MSH3: variants seen among roughly 807,000 people sequenced by gnomAD.
MSH3 encodes the protein mutS homolog 3.
In MSH3, 106 loss-of-function variants were observed where a neutral mutation model predicts 123.3. That is an observed-to-expected ratio of 0.86 (90% CI 0.73 to 1.01). The LOEUF (loss-of-function observed/expected upper bound fraction) is 1.01. Among genes scored for constraint, MSH3 ranks in the 50% least tolerant of loss-of-function variants. MSH3 has a pLI of 0.00. For synonymous variants in MSH3, 515 were observed against 481.4 expected (o/e 1.07, Z -0.91); for missense variants, 1,459 against 1,347.6 (o/e 1.08, Z -1.29).
rs1223470400 is a variant in MSH3 at position 80,654,929 on chromosome 5, G to A, written c.202G>A (p.Ala68Thr). The change falls in exon 1 of 24, where the codon GCT becomes ACT. Residue 68 changes from alanine (A) to threonine (T), a missense_variant. Physicochemically the swap from Ala to Thr is moderately conservative, Grantham distance 58. Coordinates refer to ENST00000265081, the MANE Select transcript of MSH3 (RefSeq NM_002439.5). ...AAAAAPPAPP[A>T]PAFPPQLPPH... ...GGCCGCAGCGCCCCCAGCGCCCCCA[G>A]CTCCCGCCTTCCCGCCCCAGCTGCC... is the stretch of plus-strand genomic sequence containing the variant. 9 of 811,964 alleles carry A rather than the reference G, an allele frequency of 1.1e-5. No homozygotes were observed. The highest frequency in any genetic ancestry group is 1.3e-5 in the Non-Finnish European group (8 of 600,686). The allele number at this position is 811,964 out of a possible 1,614,324, so 50.3% of individuals were successfully genotyped here. A position where few individuals can be genotyped will look rare whatever the true frequency, so the allele number is the denominator to read the frequency against.
Position 80,876,455 on chromosome 5 carries a change from C to T in MSH3, c.*593C>T, listed in dbSNP as rs917273335. Reference sequence around the variant, plus strand: ...CCATCTTTACTAAAAATATAAAGTACATCTCTACTAAAAATACGAAAAAAT... The same window carrying T: ...CCATCTTTACTAAAAATATAAAGTATATCTCTACTAAAAATACGAAAAAAT... On this transcript the variant is annotated 3_prime_UTR_variant, in exon 24 of 24. Transcript: ENST00000265081. 22 of 159,002 alleles carry T rather than the reference C, an allele frequency of 1.4e-4. No individual in the cohort carries two copies. Among genetic ancestry groups the T allele is most frequent in the Non-Finnish European group, 2.6e-4 (19 of 72,268 alleles). 9.8% of individuals were successfully genotyped at this position (159,002 alleles called of 1,614,324 possible).
At chr5:80,664,884 AAAAAAC>A (rs1350833041) in intron 2 of MSH3, among the ~76,000 whole-genome samples, 6 of 152,234 alleles carry the variant, frequency 3.9e-5, no homozygotes, top group East Asian at 1.9e-4. Flanking sequence ...TGTCTTCAAA[AAAAAAC>A]AAAAACAAAA....
At chr5:80,796,041 A>T (rs2048605157) in intron 19 of MSH3, among the ~76,000 whole-genome samples, 1 of 151,924 alleles carries the variant, frequency 6.6e-6, no homozygotes, top group African/African-American at 2.4e-5. Flanking sequence ...TTCTCATAAT[A>T]CCAGTAGGAT....
chr5:80,756,642 T>G (rs933828531), intron 12 of MSH3, among the ~76,000 whole-genome samples: 2 of 152,186 alleles, frequency 1.3e-5, no homozygotes, highest in African/African-American at 4.8e-5. Flanking sequence ...CATAACCCAG[T>G]TATAATCTTA....
At chr5:80,834,638 AAAAT>A (rs2067233) in intron 20 of MSH3, among the ~76,000 whole-genome samples, 103,277 of 147,056 alleles carry the variant, frequency 0.7, 36,273 homozygotes, top group South Asian at 0.8. Flanking sequence ...ATACTTAATA[AAAAT>A]AAATACTTAA....
intron 4 of MSH3, among the ~76,000 whole-genome samples, chr5:80,671,676 A>G (rs1449690162): frequency 1.3e-5 from 2 of 152,204 alleles, no homozygotes; most frequent in East Asian, 3.8e-4. Flanking sequence ...TTAGAGTTCC[A>G]TGGCTTCAGT....
At chr5:80,734,021 C>T (rs762891813) in intron 10 of MSH3, among the ~76,000 whole-genome samples, 2 of 152,114 alleles carry the variant, frequency 1.3e-5, no homozygotes, top group African/African-American at 4.8e-5. Context: ...GAGCATTAGT[C>T]ACAATAGCCA....
intron 16 of MSH3, among the ~76,000 whole-genome samples, chr5:80,776,270 A>G (rs982243922): frequency 2.6e-5 from 4 of 152,218 alleles, no homozygotes; most frequent in Admixed American, 6.5e-5. Context: ...TCAAAAAGGT[A>G]TCTTATTTTT....
chr5:80,760,710 T>C (rs138575837), intron 12 of MSH3, among the ~76,000 whole-genome samples: 6 of 152,358 alleles, frequency 3.9e-5, no homozygotes, highest in African/African-American at 1.2e-4. Context: ...GTTCAATTGG[T>C]AACAGATCCG....
At chr5:80,715,144 G>A (rs1750935520) in intron 8 of MSH3, 1 of 152,148 alleles carries the variant, frequency 6.6e-6, no homozygotes, top group African/African-American at 2.4e-5. Context: ...TTTTTAAAAT[G>A]GGAATAATGC....
At chr5:80,808,447 C>G (rs1744936791) in intron 19 of MSH3, among the ~76,000 whole-genome samples, 1 of 152,142 alleles carries the variant, frequency 6.6e-6, no homozygotes, top group African/African-American at 2.4e-5. Context: ...ATTTTGGTAG[C>G]TAGCCTTGAC....
At chr5:80,691,402 C>T (rs1008563818) in intron 8 of MSH3, among the ~76,000 whole-genome samples, 37 of 151,442 alleles carry the variant, frequency 2.4e-4, no homozygotes, top group Admixed American at 5.9e-4. Flanking sequence ...AAGGTCTTAA[C>T]GAAAATTTGG....
At position 80,787,812 on chromosome 5, in the gene MSH3, G is replaced by A. The variant is rs33010; in HGVS notation, c.2543+140G>A. The A allele has an allele frequency of 0.85, 561,132 of 660,196 alleles. 239,146 individuals are homozygous for A. Among genetic ancestry groups the A allele is most frequent in the East Asian group, 1 (34,680 of 34,700 alleles). The allele number at this position is 660,196 out of a possible 1,614,324, so 40.9% of individuals were successfully genotyped here. The stretch of plus-strand genomic sequence containing the variant: ...TGGGAAAGCTGAATGTCATACATAT[G>A]TAGCTTGATTTGAAAATTAAATTCA... On this transcript the variant is annotated intron_variant, in intron 18 of 23. Coordinates refer to ENST00000265081, the MANE Select transcript of MSH3 (RefSeq NM_002439.5).
chr5:80,771,338 G>A (rs1744209782), intron 15 of MSH3, among the ~76,000 whole-genome samples: 2 of 151,988 alleles, frequency 1.3e-5, no homozygotes, highest in Admixed American at 6.6e-5. Context: ...AATTAGCCAG[G>A]CATAGTGGAA....
At chr5:80,773,319 CT>C (rs1468069470) in intron 15 of MSH3, among the ~76,000 whole-genome samples, 1 of 152,194 alleles carries the variant, frequency 6.6e-6, no homozygotes, top group Non-Finnish European at 1.5e-5. Flanking sequence ...GTGATTTTAT[CT>C]TTCCCATTAG....
rs6151625 is a variant in MSH3 at position 80,669,239 on chromosome 5, A to C, written c.580-858A>C. Reference sequence around the variant, plus strand: ...GGTTTTCTTTTGGATTGGGGTTCCCATTTCTGGGCCATTTTGCTTCTCTCT... The same window carrying C: ...GGTTTTCTTTTGGATTGGGGTTCCCCTTTCTGGGCCATTTTGCTTCTCTCT... On this transcript the variant is annotated intron_variant, in intron 3 of 23. Coordinates refer to ENST00000265081, the MANE Select transcript of MSH3 (RefSeq NM_002439.5). Among the ~76,000 whole-genome samples the C allele has an allele frequency of 1.3e-3, 196 of 152,116 alleles. 1 individual carries two copies. In the East Asian group the frequency reaches 0.019, roughly 15 times the overall value.
At chr5:80,659,107 G>A (rs746649415) in intron 2 of MSH3, among the ~76,000 whole-genome samples, 44 of 152,006 alleles carry the variant, frequency 2.9e-4, no homozygotes, top group Admixed American at 6.6e-4. Flanking sequence ...GGTGGCGGGC[G>A]CCAGTGGTCC....
chr5:80,756,466 G>T (rs1743927616), intron 12 of MSH3, among the ~76,000 whole-genome samples: 1 of 152,070 alleles, frequency 6.6e-6, no homozygotes, highest in Non-Finnish European at 1.5e-5. Context: ...TTGGATCCCA[G>T]CTCCTGTGAT....
At chr5:80,774,101 A>G (rs1041518721) in intron 15 of MSH3, among the ~76,000 whole-genome samples, 2 of 152,188 alleles carry the variant, frequency 1.3e-5, no homozygotes, top group African/African-American at 4.8e-5. Flanking sequence ...AAATGCAAGC[A>G]CACTGAGAAA....
Sources: gnomAD v4.1 joint callset for allele counts (sites outside exome capture counted in the v4.1 genomes callset) on GRCh38, gnomAD v4.1.1 for gene constraint, MANE v1.5 for transcripts, NCBI Gene and HGNC (gene_info 2026-07-23, HGNC 2026-07-21) for gene names.